PMFBP1: variants seen among roughly 807,000 people sequenced by gnomAD.
PMFBP1 encodes polyamine-modulated factor 1-binding protein 1.
Under a neutral mutation model 137.8 loss-of-function variants are expected in PMFBP1, and 131 were observed. The ratio of observed to expected loss-of-function variants is 0.95; its 90% confidence interval spans 0.82 to 1.10. PMFBP1 has a LOEUF of 1.10. Ranked by LOEUF, PMFBP1 falls within the 50% of genes least tolerant of loss-of-function variation. PMFBP1 has a pLI of 0.00. For synonymous variants in PMFBP1, 490 were observed against 450.4 expected (o/e 1.09, Z -1.11); for missense variants, 1,199 against 1,175.4 (o/e 1.02, Z -0.29).
chr16:72,203,510 G>A, the PMFBP1 span, among the ~76,000 whole-genome samples: 2 of 152,210 alleles, frequency 1.3e-5, no homozygotes, highest in African/African-American at 4.8e-5. Context: ...CCAGTCAGAC[G>A]TGCCCAGATG....
chr16:72,182,347 T>C, the PMFBP1 span, among the ~76,000 whole-genome samples: 3 of 152,132 alleles, frequency 2.0e-5, no homozygotes, highest in African/African-American at 7.2e-5. Context: ...AATACAAAAG[T>C]GAGCCAGGCA....
intron 19 of PMFBP1, 80 bp downstream of exon 19, chr16:72,122,834 G>A (rs1010086370): frequency 2.2e-6 from 3 of 1,377,978 alleles, no homozygotes; most frequent in Non-Finnish European, 3.0e-6. Flanking sequence ...CCCTATCAAG[G>A]GCTAAAGCCA....
chr16:72,163,716 A>G (rs990257101), intron 3 of PMFBP1, among the ~76,000 whole-genome samples: 3 of 152,206 alleles, frequency 2.0e-5, no homozygotes, highest in African/African-American at 7.2e-5. Flanking sequence ...TGTGGTATAT[A>G]TATACAATGG....
intron 3 of PMFBP1, among the ~76,000 whole-genome samples, chr16:72,159,973 T>G (rs999424569): frequency 6.6e-6 from 1 of 152,250 alleles, no homozygotes; most frequent in Non-Finnish European, 1.5e-5. Context: ...GGAGGCCATC[T>G]GGTCTACCAG....
In PMFBP1 at chr16:72,136,828, T is replaced by C. The variant is rs2042640329; in HGVS notation, c.919-9A>G. The C allele has an allele frequency of 1.2e-6, 2 of 1,614,092 alleles. No individual in the cohort carries two copies. The highest frequency in any genetic ancestry group is 1.7e-6 in the Non-Finnish European group (2 of 1,180,028). On this transcript the variant is annotated splice_polypyrimidine_tract_variant and intron_variant, in intron 7 of 20. Coordinates refer to ENST00000237353, the MANE Select transcript of PMFBP1 (RefSeq NM_031293.3). ...TGCAAGTGCTTCAGTATCTGGCAGA[T>C]GGAAGAACAGGGCAGGATGAGGAGA...
chr16:72,124,642 G>T, intron 17 of PMFBP1, 125 bp downstream of exon 17: 1 of 1,168,576 alleles, frequency 8.6e-7, no homozygotes. Context: ...GCTAAATGGA[G>T]GGGGTGACCT....
At chr16:72,217,759 A>C in the PMFBP1 span, among the ~76,000 whole-genome samples, 2 of 152,288 alleles carry the variant, frequency 1.3e-5, no homozygotes, top group South Asian at 2.1e-4. Context: ...AGGCTGAGGC[A>C]GGAGAATTGC....
At chr16:72,188,304 T>C in the PMFBP1 span, among the ~76,000 whole-genome samples, 2 of 152,186 alleles carry the variant, frequency 1.3e-5, no homozygotes, top group African/African-American at 4.8e-5. Flanking sequence ...TTTCTAAAGA[T>C]GTTTTCCTAG....
intron 9 of PMFBP1, among the ~76,000 whole-genome samples, chr16:72,133,880 G>T (rs2144304326): frequency 6.6e-6 from 1 of 152,272 alleles, no homozygotes; most frequent in East Asian, 1.9e-4. Flanking sequence ...AAGTATGCAG[G>T]CCGAGGCAGG....
the PMFBP1 span, among the ~76,000 whole-genome samples, chr16:72,184,140 G>T: frequency 6.6e-6 from 1 of 151,968 alleles, no homozygotes; most frequent in South Asian, 2.1e-4. Context: ...TCTCCTTCTG[G>T]CCATTCCTGA....
intron 3 of PMFBP1, among the ~76,000 whole-genome samples, chr16:72,157,121 A>G (rs1311256186): frequency 2.7e-5 from 4 of 145,658 alleles, no homozygotes; most frequent in Non-Finnish European, 1.5e-5. Flanking sequence ...CCCGGGAGGC[A>G]GAGCTTGCAG....
chr16:72,178,318 T>C (rs530933234), upstream of PMFBP1, among the ~76,000 whole-genome samples: 3 of 152,318 alleles, frequency 2.0e-5, no homozygotes, highest in East Asian at 5.8e-4. Context: ...ACTGGGTTTA[T>C]CTACTATAAA....
intron 3 of PMFBP1, 86 bp downstream of exon 3, chr16:72,164,678 G>A: frequency 1.4e-6 from 2 of 1,479,302 alleles, no homozygotes; most frequent in Non-Finnish European, 1.8e-6. Flanking sequence ...AATGAACAGT[G>A]GAAGAACTTT....
the PMFBP1 span, among the ~76,000 whole-genome samples, chr16:72,238,708 A>C: frequency 1.3e-5 from 2 of 152,220 alleles, no homozygotes; most frequent in African/African-American, 2.4e-5. Flanking sequence ...CACAGGCTTT[A>C]TTGCATAGAT....
At chr16:72,193,670 C>T in the PMFBP1 span, among the ~76,000 whole-genome samples, 8 of 150,464 alleles carry the variant, frequency 5.3e-5, no homozygotes, top group African/African-American at 7.3e-5. Context: ...CTATGAAGAA[C>T]TTTTCTCCCT....
At chr16:72,149,783 A>G (rs2042873265) in intron 5 of PMFBP1, among the ~76,000 whole-genome samples, 1 of 152,166 alleles carries the variant, frequency 6.6e-6, no homozygotes, top group Admixed American at 6.5e-5. Flanking sequence ...AGATTGCACC[A>G]CTATCTCAAA....
chr16:72,133,585 C>A (rs1006447779), intron 9 of PMFBP1, among the ~76,000 whole-genome samples: 3 of 152,136 alleles, frequency 2.0e-5, no homozygotes, highest in Non-Finnish European at 4.4e-5. Flanking sequence ...ACCTCCTAGG[C>A]TCAAGCGATC....
chr16:72,241,097 G>T, the PMFBP1 span, among the ~76,000 whole-genome samples: 1 of 152,018 alleles, frequency 6.6e-6, no homozygotes, highest in East Asian at 1.9e-4. Flanking sequence ...ATACCTCTTG[G>T]AGGAATATGT....
rs377168041 is a variant in PMFBP1, at chr16:72,136,861, C to A, written c.919-42G>T. ...CAGGGCAGGATGAGGAGATGAGAGACAATGGAGAGTGCTTTCTAAAATGCC... is the reference window on the plus strand; with the variant it reads ...CAGGGCAGGATGAGGAGATGAGAGAAAATGGAGAGTGCTTTCTAAAATGCC... On this transcript the variant is annotated intron_variant, in intron 7 of 20. Coordinates refer to ENST00000237353, the MANE Select transcript of PMFBP1 (RefSeq NM_031293.3). The A allele has an allele frequency of 1.7e-4, 269 of 1,611,908 alleles. 1 individual carries two copies. The highest frequency in any genetic ancestry group is 6.4e-5 in the Non-Finnish European group (76 of 1,179,468).
Sources: gnomAD v4.1 joint callset for allele counts (sites outside exome capture counted in the v4.1 genomes callset) on GRCh38, gnomAD v4.1.1 for gene constraint, MANE v1.5 for transcripts, NCBI Gene and HGNC (gene_info 2026-07-23, HGNC 2026-07-21) for gene names.